Variants in DCLK2 observed in about 807,000 individuals in gnomAD.
The protein encoded by DCLK2 is doublecortin like kinase 2, also known as serine/threonine-protein kinase DCLK2.
DCLK2 carries 31 observed loss-of-function variants against 78.4 expected under a neutral mutation model. The ratio of observed to expected loss-of-function variants is 0.40; its 90% confidence interval spans 0.30 to 0.53. DCLK2 has a LOEUF of 0.53. Among genes scored for constraint, DCLK2 ranks in the 20% least tolerant of loss-of-function variants. The pLI is 0.61. For synonymous variants in DCLK2, 407 were observed against 374.9 expected (o/e 1.09, Z -0.99); for missense variants, 872 against 973.7 (o/e 0.90, Z 1.39).
intron 10 of DCLK2, 145 bp downstream of exon 10, chr4:150,232,973 A>AC: frequency 1.0e-6 from 1 of 996,386 alleles, no homozygotes; most frequent in Non-Finnish European, 1.4e-6. Context: ...TATGTCAATG[A>AC]CCATCAAATA....
intron 1 of DCLK2, among the ~76,000 whole-genome samples, chr4:150,096,981 A>G (rs1412376859): frequency 4.6e-5 from 7 of 151,972 alleles, no homozygotes; most frequent in African/African-American, 1.7e-4. Flanking sequence ...TGGAGAGGAG[A>G]GAAAGAATGG....
intron 2 of DCLK2, among the ~76,000 whole-genome samples, chr4:150,107,378 G>GTTTTTT (rs201080236): frequency 5.5e-4 from 69 of 125,180 alleles, no homozygotes; most frequent in African/African-American, 2.0e-3. Context: ...TTTGGTTATT[G>GTTTTTT]TTTTTTTTTT....
rs1006152543 is a variant in DCLK2, at chr4:150,257,255, G to A, written c.*1008G>A. On this transcript the variant is annotated 3_prime_UTR_variant, in exon 16 of 16. Coordinates refer to ENST00000296550, the MANE Select transcript of DCLK2 (RefSeq NM_001040260.4). ...GATATACTCTGTGAACCTTCTGGAA[G>A]GCTGCTGGCAGTTTTTCCTTTTTGT... is the stretch of plus-strand genomic sequence containing the variant. 3.9e-5 allele frequency: 6 copies of A among 152,700 alleles called. No individual in the cohort carries two copies. The highest frequency in any genetic ancestry group is 2.0e-4 in the Admixed American group (3 of 15,288). 9.5% of individuals were successfully genotyped at this position (152,700 alleles called of 1,614,324 possible).
At chr4:150,097,802 A>G (rs575179173) in intron 1 of DCLK2, among the ~76,000 whole-genome samples, 22 of 152,300 alleles carry the variant, frequency 1.4e-4, no homozygotes, top group East Asian at 9.6e-4. Flanking sequence ...CCCTCTTTGT[A>G]TATAGTACTC....
chr4:150,096,132 G>A lies in DCLK2; in HGVS notation c.422-6346G>A, dbSNP rs1294446879. Among the ~76,000 whole-genome samples, 3 of 151,968 alleles carry A rather than the reference G, an allele frequency of 2.0e-5. No individual in the cohort carries two copies. The East Asian group carries it at 5.8e-4, about 29-fold the overall frequency. ...TCTAATCCGGGAAGAAACGAGAGAA[G>A]GCAGGGTAGAAGGAGTTGGTTTCCA... On this transcript the variant is annotated intron_variant, in intron 1 of 15. Coordinates refer to ENST00000296550, the MANE Select transcript of DCLK2 (RefSeq NM_001040260.4).
At chr4:150,086,461 A>T (rs1729645701) in intron 1 of DCLK2, among the ~76,000 whole-genome samples, 1 of 151,870 alleles carries the variant, frequency 6.6e-6, no homozygotes, top group Non-Finnish European at 1.5e-5. Flanking sequence ...GAGATGTCTG[A>T]CTTGAGTTTT....
intron 2 of DCLK2, among the ~76,000 whole-genome samples, chr4:150,183,403 G>A (rs1737672903): frequency 6.6e-6 from 1 of 152,132 alleles, no homozygotes; most frequent in Admixed American, 6.5e-5. Flanking sequence ...AAATCATCCT[G>A]AAATAATAAT....
chr4:150,147,060 G>A (rs1420043889), intron 2 of DCLK2, among the ~76,000 whole-genome samples: 1 of 152,062 alleles, frequency 6.6e-6, no homozygotes, highest in Non-Finnish European at 1.5e-5. Flanking sequence ...GAGGCAGGAG[G>A]ATTGCTTAAG....
At chr4:150,153,712 G>T (rs1387346039) in intron 2 of DCLK2, among the ~76,000 whole-genome samples, 1 of 151,954 alleles carries the variant, frequency 6.6e-6, no homozygotes, top group Non-Finnish European at 1.5e-5. Flanking sequence ...ACTACAACAA[G>T]CCACAAACTC....
chr4:150,247,254 C>T (rs967713858), intron 12 of DCLK2, among the ~76,000 whole-genome samples: 21 of 152,098 alleles, frequency 1.4e-4, no homozygotes, highest in Admixed American at 5.2e-4. Context: ...CATTTTTAAG[C>T]GTACAGTTCA....
chr4:150,171,722 A>C (rs1736544632), intron 2 of DCLK2, among the ~76,000 whole-genome samples: 1 of 152,212 alleles, frequency 6.6e-6, no homozygotes, highest in East Asian at 1.9e-4. Flanking sequence ...AGAGTTTAAG[A>C]AAACCAAACA....
At chr4:150,115,420 G>A (rs563465788) in intron 2 of DCLK2, among the ~76,000 whole-genome samples, 1 of 152,130 alleles carries the variant, frequency 6.6e-6, no homozygotes, top group African/African-American at 2.4e-5. Flanking sequence ...GTGATCTTTT[G>A]AAGGTGTTAT....
chr4:150,129,305 A>T (rs559637429), intron 2 of DCLK2, among the ~76,000 whole-genome samples: 4 of 152,308 alleles, frequency 2.6e-5, no homozygotes, highest in South Asian at 4.1e-4. Flanking sequence ...AAGACTGGTC[A>T]TGACAGTCTT....
intron 2 of DCLK2, among the ~76,000 whole-genome samples, chr4:150,140,181 T>A (rs1734016325): frequency 6.6e-6 from 1 of 152,248 alleles, no homozygotes; most frequent in African/African-American, 2.4e-5. Context: ...TCTGTTAAAG[T>A]AACTTGAAAG....
rs1435906087 is a variant in DCLK2 at position 150,203,893 on chromosome 4, T to C, written c.1056+4T>C. The C allele has an allele frequency of 1.2e-6, 2 of 1,601,896 alleles. No individual in the cohort carries two copies. The highest frequency in any genetic ancestry group is 1.7e-6 in the Non-Finnish European group (2 of 1,169,152). On this transcript the variant is annotated splice_donor_region_variant and intron_variant, in intron 5 of 15. Coordinates refer to ENST00000296550, the MANE Select transcript of DCLK2 (RefSeq NM_001040260.4). The stretch of plus-strand genomic sequence containing the variant: ...AGGAAGTTTCAGAGGATTAAAGGTA[T>C]GAAATAGGATATGTGGCATATTTGT...
At chr4:150,255,486 G>A (rs72951591) in intron 15 of DCLK2, among the ~76,000 whole-genome samples, 2,406 of 152,354 alleles carry the variant, frequency 0.016, 48 homozygotes, top group African/African-American at 0.05. Context: ...GAGAAGACAG[G>A]TGAGGATATC....
intron 5 of DCLK2, among the ~76,000 whole-genome samples, chr4:150,219,897 G>C (rs372298196): frequency 1.3e-5 from 2 of 152,204 alleles, no homozygotes; most frequent in African/African-American, 4.8e-5. Flanking sequence ...GAAGATTTTG[G>C]AGTTATTATG....
chr4:150,176,013 A>T (rs1001083361), intron 2 of DCLK2, among the ~76,000 whole-genome samples: 2 of 152,210 alleles, frequency 1.3e-5, no homozygotes, highest in Non-Finnish European at 2.9e-5. Flanking sequence ...GCAACCAGCT[A>T]TGGCAGAAGA....
At chr4:150,187,839 C>T (rs1267732845) in intron 2 of DCLK2, among the ~76,000 whole-genome samples, 3 of 140,162 alleles carry the variant, frequency 2.1e-5, no homozygotes, top group Non-Finnish European at 3.0e-5. Context: ...CTTGCTCTGT[C>T]GCTAGGCTGG....
Sources: allele counts gnomAD v4.1 joint callset (sites outside exome capture counted in the v4.1 genomes callset), GRCh38; gene constraint gnomAD v4.1.1; transcripts MANE v1.5; gene names NCBI Gene and HGNC (gene_info 2026-07-23, HGNC 2026-07-21).